Variants in MECOM observed in about 807,000 individuals in gnomAD.
MECOM encodes the protein histone-lysine N-methyltransferase MECOM.
In MECOM, 13 loss-of-function variants were observed where a neutral mutation model predicts 116.3. The ratio of observed to expected loss-of-function variants is 0.11; its 90% CI spans 0.07 to 0.18. MECOM has a LOEUF of 0.18. MECOM is among the 10% of genes least tolerant of loss of function. The probability of loss-of-function intolerance (pLI) is 1.00; values close to 1 mark genes in which losing one functional copy is unlikely to be tolerated. For synonymous variants in MECOM, 528 were observed against 535.2 expected, an observed-to-expected ratio of 0.99 and a Z score of 0.19; for missense variants, 1,299 against 1,509.0, an observed-to-expected ratio of 0.86 and a Z score of 2.31.
Position 169,195,930 on chromosome 3 carries a change from T to C in MECOM, c.376-52098A>G, listed in dbSNP as rs112523652. On this transcript the variant is annotated intron_variant, in intron 2 of 16. Transcript: ENST00000651503. ...CAGCTTTGTTCTGTCACAGATATCA[T>C]TGGAAGGAAATGCTCCATTAATCAT... Among the ~76,000 whole-genome samples, 5 of 152,178 alleles carry C rather than the reference T, an allele frequency of 3.3e-5. 1 individual carries two copies. Among genetic ancestry groups the C allele is most frequent in the African/African-American group, 1.2e-4 (5 of 41,546 alleles).
intron 1 of MECOM, among the ~76,000 whole-genome samples, chr3:169,389,097 T>C (rs971252843): frequency 5.3e-5 from 8 of 152,168 alleles, no homozygotes; most frequent in African/African-American, 1.9e-4. Context: ...GGTTAAGAGA[T>C]TTTCCACTCC....
intron 1 of MECOM, among the ~76,000 whole-genome samples, chr3:169,631,034 A>T (rs1178422815): frequency 6.6e-6 from 1 of 152,276 alleles, no homozygotes; most frequent in Non-Finnish European, 1.5e-5. Context: ...GTCCTCCTCC[A>T]TCAGCTATCC....
At chr3:169,170,403 CAAAA>C (rs71634426) in intron 2 of MECOM, among the ~76,000 whole-genome samples, 77 of 74,370 alleles carry the variant, frequency 1.0e-3, no homozygotes, top group Admixed American at 1.9e-3. Context: ...AAGACTCTGT[CAAAA>C]AAAAAAAAAA....
At position 169,271,261 on chromosome 3, in the gene MECOM, C is replaced by A. The variant is rs190857752; in HGVS notation, c.375+109926G>T. Among the ~76,000 whole-genome samples the A allele has an allele frequency of 1.8e-3, 270 of 152,298 alleles. 2 individuals carry two copies. The highest frequency in any genetic ancestry group is 0.011 in the South Asian group (54 of 4,818). ...ACAGTACAGCAGGGGTTGCAGCCCCCAGCCCTGAGCACAGCCACGTCTTCA... is the reference window on the plus strand; with the variant it reads ...ACAGTACAGCAGGGGTTGCAGCCCCAAGCCCTGAGCACAGCCACGTCTTCA... On this transcript the variant is annotated intron_variant, in intron 2 of 16. Coordinates refer to ENST00000651503, the MANE Select transcript of MECOM (RefSeq NM_004991.4).
chr3:169,191,927 G>T (rs34487038), intron 2 of MECOM, among the ~76,000 whole-genome samples: 14,639 of 152,024 alleles, frequency 0.096, 939 homozygotes, highest in Non-Finnish European at 0.14. Flanking sequence ...TGGAAAAAAA[G>T]AAGCATGTGT....
chr3:169,601,358 A>T (rs534861282), intron 1 of MECOM, among the ~76,000 whole-genome samples: 10 of 152,322 alleles, frequency 6.6e-5, no homozygotes, highest in Admixed American at 6.5e-4. Flanking sequence ...ACTATTCTCC[A>T]CAGCATCTCT....
chr3:169,385,029 G>A (rs1195698095), intron 1 of MECOM, among the ~76,000 whole-genome samples: 6 of 148,448 alleles, frequency 4.0e-5, no homozygotes, highest in Middle Eastern at 3.5e-3. Flanking sequence ...GCTTGAGCCC[G>A]GGAGACAGAG....
chr3:169,444,595 CT>C (rs1183119517), intron 1 of MECOM, among the ~76,000 whole-genome samples: 1 of 152,092 alleles, frequency 6.6e-6, no homozygotes, highest in Non-Finnish European at 1.5e-5. Flanking sequence ...TCAATTAAAC[CT>C]TTTTTTCTTC....
At chr3:169,486,125 A>G (rs900026009) in intron 1 of MECOM, among the ~76,000 whole-genome samples, 1 of 147,228 alleles carries the variant, frequency 6.8e-6, no homozygotes, top group African/African-American at 2.5e-5. Flanking sequence ...ACTAATATAA[A>G]ATGATAAACT....
At chr3:169,310,756 C>T (rs1718597463) in intron 2 of MECOM, among the ~76,000 whole-genome samples, 2 of 152,210 alleles carry the variant, frequency 1.3e-5, no homozygotes, top group African/African-American at 4.8e-5. Context: ...CATGCGATGA[C>T]CTGTTCTCCT....
At position 169,350,200 on chromosome 3, in the gene MECOM, A is replaced by G. The variant is rs77920724; in HGVS notation, c.375+30987T>C. Reference sequence around the variant, plus strand: ...ACACTTCACATGTCAACACCTTTACATAAGCAGCCAACAAAAGCAGCATAT... The same window carrying G: ...ACACTTCACATGTCAACACCTTTACGTAAGCAGCCAACAAAAGCAGCATAT... On this transcript the variant is annotated intron_variant, in intron 2 of 16. Coordinates refer to ENST00000651503, the MANE Select transcript of MECOM (RefSeq NM_004991.4). Among the ~76,000 whole-genome samples, 3 of 152,132 alleles carry G rather than the reference A, an allele frequency of 2.0e-5. No homozygotes were observed. In the East Asian group the frequency reaches 5.8e-4, roughly 30 times the overall value.
At chr3:169,654,513 A>G (rs1215259388) in intron 1 of MECOM, among the ~76,000 whole-genome samples, 1 of 152,178 alleles carries the variant, frequency 6.6e-6, no homozygotes, top group African/African-American at 2.4e-5. Flanking sequence ...CTTCCTCTGA[A>G]TATCCACAGT....
chr3:169,180,613 G>T (rs750141499), intron 2 of MECOM, among the ~76,000 whole-genome samples: 26 of 151,686 alleles, frequency 1.7e-4, no homozygotes, highest in Non-Finnish European at 3.4e-4. Flanking sequence ...AGTTGCATGA[G>T]ACAAAAGATG....
At chr3:169,236,732 G>A (rs1754119228) in intron 2 of MECOM, among the ~76,000 whole-genome samples, 1 of 152,152 alleles carries the variant, frequency 6.6e-6, no homozygotes, top group African/African-American at 2.4e-5. Flanking sequence ...GCTTTTCTCT[G>A]TGAATAAGTA....
At chr3:169,264,882 A>G (rs902813139) in intron 2 of MECOM, among the ~76,000 whole-genome samples, 1 of 152,220 alleles carries the variant, frequency 6.6e-6, no homozygotes, top group Non-Finnish European at 1.5e-5. Context: ...GCAGCTGCCA[A>G]GAGAAAGAGA....
rs1422660799 is a variant in MECOM at position 169,186,265 on chromosome 3, A to C, written c.376-42433T>G. ...GGCTAAAACATTTGAGAAATAAGGG[A>C]GAAAAGAAGAAAGCTGGTCATGAGT... On this transcript the variant is annotated intron_variant, in intron 2 of 16. Transcript: ENST00000651503. 3.3e-5 allele frequency among the ~76,000 whole-genome samples: 5 copies of C among 151,606 alleles called. No individual in the cohort carries two copies. In the East Asian group the frequency reaches 9.7e-4, roughly 29 times the overall value.
intron 2 of MECOM, among the ~76,000 whole-genome samples, chr3:169,342,601 T>A (rs1470468598): frequency 1.3e-5 from 2 of 152,170 alleles, no homozygotes; most frequent in Non-Finnish European, 2.9e-5. Context: ...CCACTTTTAA[T>A]GGTGATAAAG....
chr3:169,467,237 G>A (rs926701862), intron 1 of MECOM: 1 of 152,178 alleles, frequency 6.6e-6, no homozygotes, highest in Non-Finnish European at 1.5e-5. Context: ...TTTTCAATGA[G>A]CTGTGTAAAT....
intron 1 of MECOM, among the ~76,000 whole-genome samples, chr3:169,472,506 AGG>A (rs1749483899): frequency 1.1e-5 from 1 of 91,252 alleles, no homozygotes; most frequent in African/African-American, 5.2e-5. Context: ...AGGAAAGGAA[AGG>A]AAAGGAAAGG....
Sources: allele counts gnomAD v4.1 joint callset (sites outside exome capture counted in the v4.1 genomes callset), GRCh38; gene constraint gnomAD v4.1.1; transcripts MANE v1.5; gene names NCBI Gene and HGNC (gene_info 2026-07-23, HGNC 2026-07-21).